The following AGPAT4 variants were observed in gnomAD, a reference collection of about 807,000 sequenced individuals.
AGPAT4 encodes 1-acyl-sn-glycerol-3-phosphate acyltransferase delta.
Under a neutral mutation model 48.0 loss-of-function variants are expected in AGPAT4, and 15 were observed. That is an observed-to-expected ratio of 0.31 (90% CI 0.21 to 0.48). The LOEUF (loss-of-function observed/expected upper bound fraction) is 0.48. Among genes scored for constraint, AGPAT4 ranks in the 20% least tolerant of loss-of-function variants. The pLI, the probability that AGPAT4 is intolerant of heterozygous loss-of-function variation, is 0.99. For missense variants in AGPAT4, 314 were observed against 482.5 expected (o/e 0.65, Z 3.27); for synonymous variants, 178 against 198.7 (o/e 0.90, Z 0.88).
chr6:161,248,571 C>CAAAAAAAA (rs35527158), intron 1 of AGPAT4, among the ~76,000 whole-genome samples: 1 of 63,724 alleles, frequency 1.6e-5, no homozygotes, highest in African/African-American at 7.2e-5. Context: ...GACTCTGTCT[C>CAAAAAAAA]AAAAAAAAAA....
rs1032124807 is a variant in AGPAT4, at chr6:161,225,234, C to T, written c.178+6802G>A. On this transcript the variant is annotated intron_variant, in intron 2 of 8. Transcript: ENST00000320285. This position sits in a 1 kb window ranked among gnomAD's most constrained non-coding sequence, Gnocchi z 5.0. ...CGTCCCCTGTCATAACCATTTTTCC[C>T]GCCAAACCACTCACCCCGTCACTCT... Among the ~76,000 whole-genome samples the T allele has an allele frequency of 5.9e-5, 9 of 152,162 alleles. No homozygotes were observed. In the South Asian group the frequency reaches 1.2e-3, roughly 21 times the overall value.
intron 1 of AGPAT4, among the ~76,000 whole-genome samples, chr6:161,248,584 A>C (rs1782727364): frequency 6.6e-6 from 1 of 150,546 alleles, no homozygotes; most frequent in Non-Finnish European, 1.5e-5. Context: ...AAAAAAAAAA[A>C]AAAAAAAAAA....
At position 161,262,818 on chromosome 6, in the gene AGPAT4, A is replaced by T. The variant is rs954450693; in HGVS notation, c.-90+11120T>A. On this transcript the variant is annotated intron_variant, in intron 1 of 8. Transcript: ENST00000320285. This position sits in a 1 kb window ranked among gnomAD's most constrained non-coding sequence, Gnocchi z 4.9. ...TCAAAAGATAACTCCAGTGAAAAAA[A>T]CCTCTAGGAGAACATGAGGATAACG... is the stretch of plus-strand genomic sequence containing the variant. Among the ~76,000 whole-genome samples the T allele has an allele frequency of 2.0e-5, 3 of 152,102 alleles. No individual in the cohort carries two copies. The highest frequency in any genetic ancestry group is 7.2e-5 in the African/African-American group (3 of 41,402).
At position 161,244,302 on chromosome 6, in the gene AGPAT4, C is replaced by T. The variant is rs374783743; in HGVS notation, c.-89-12000G>A. ...GGGGTGAGGATGGGGCTGACACCAA[C>T]GCAGACAGCACGTTCCTACATCACC... On this transcript the variant is annotated intron_variant, in intron 1 of 8. Transcript: ENST00000320285. This position sits in a 1 kb window ranked among gnomAD's most constrained non-coding sequence, Gnocchi z 4.7. Among the ~76,000 whole-genome samples, 21 of 152,286 alleles carry T rather than the reference C, an allele frequency of 1.4e-4. No individual in the cohort carries two copies. Among genetic ancestry groups the T allele is most frequent in the African/African-American group, 4.1e-4 (17 of 41,552 alleles).
Position 161,161,953 on chromosome 6 carries a change from C to A in AGPAT4, c.348+4295G>T. 1 of 167,412 alleles carries A rather than the reference C, an allele frequency of 6.0e-6. No homozygotes were observed. 10.4% of individuals were successfully genotyped at this position (167,412 alleles called of 1,614,324 possible). A position where few individuals can be genotyped will look rare whatever the true frequency, so the allele number is the denominator to read the frequency against. ...CTCTGTGCAAAGAAATGCAATGCTG[C>A]TATTTTTCATTTGTTTTATTTATTG... is the stretch of plus-strand genomic sequence containing the variant. On this transcript the variant is annotated intron_variant, in intron 3 of 8. Transcript: ENST00000320285. This position sits in a 1 kb window ranked among gnomAD's most constrained non-coding sequence, Gnocchi z 4.6.
rs1216378704 is a variant in AGPAT4, at chr6:161,189,992, T to C, written c.179-23575A>G. Among the ~76,000 whole-genome samples the C allele has an allele frequency of 6.6e-6, 1 of 152,198 alleles. No individual in the cohort carries two copies. Among genetic ancestry groups the C allele is most frequent in the Non-Finnish European group, 1.5e-5 (1 of 68,042 alleles). On this transcript the variant is annotated intron_variant, in intron 2 of 8. Transcript: ENST00000320285. The surrounding 1 kb of genome is among the most constrained non-coding windows in gnomAD (Gnocchi z 5.3). ...CTTTCTTAGAGATGCATAATAAATA[T>C]GCACCTTACGGTCAATGACTAGAGT...
At position 161,245,459 on chromosome 6, in the gene AGPAT4, A is replaced by G. The variant is rs1167484915; in HGVS notation, c.-89-13157T>C. Reference sequence around the variant, plus strand: ...ACCACAGTGCTTCTGATTCATGGAAACTAACGTGGCATTAAGCACCCTAGA... The same window carrying G: ...ACCACAGTGCTTCTGATTCATGGAAGCTAACGTGGCATTAAGCACCCTAGA... On this transcript the variant is annotated intron_variant, in intron 1 of 8. Transcript: ENST00000320285. This position sits in a 1 kb window ranked among gnomAD's most constrained non-coding sequence, Gnocchi z 5.2. Among the ~76,000 whole-genome samples, 3 of 152,140 alleles carry G rather than the reference A, an allele frequency of 2.0e-5. No homozygotes were observed. The highest frequency in any genetic ancestry group is 7.2e-5 in the African/African-American group (3 of 41,438).
In AGPAT4 at chr6:161,178,992, G is replaced by A. The variant is rs566255722; in HGVS notation, c.179-12575C>T. On this transcript the variant is annotated intron_variant, in intron 2 of 8. Transcript: ENST00000320285. This position sits in a 1 kb window ranked among gnomAD's most constrained non-coding sequence, Gnocchi z 5.1. ...TGCCCAGTTCCTCAGGGTGATGACC[G>A]GAGAGGGTGCAGAACGCAGTAGGTG... 5.3e-5 allele frequency among the ~76,000 whole-genome samples: 8 copies of A among 152,294 alleles called. No homozygotes were observed. Among genetic ancestry groups the A allele is most frequent in the East Asian group, 1.9e-4 (1 of 5,182 alleles).
At chr6:161,167,449 C>T (rs1438714919) in intron 2 of AGPAT4, among the ~76,000 whole-genome samples, 1 of 152,150 alleles carries the variant, frequency 6.6e-6, no homozygotes, top group Non-Finnish European at 1.5e-5. Context: ...TGGGTAGACT[C>T]CTGGGTTCAA....
chr6:161,151,348 G>C (rs1779588484), intron 5 of AGPAT4, among the ~76,000 whole-genome samples: 2 of 152,256 alleles, frequency 1.3e-5, no homozygotes, highest in South Asian at 4.1e-4. Flanking sequence ...CCCGAGACCG[G>C]TGTTGGCTGT....
chr6:161,166,358 G>A lies in AGPAT4; in HGVS notation c.238C>T (p.Arg80Cys), dbSNP rs201346790. The change falls in exon 3 of 9, where the codon CGC becomes TGC. Residue 80 changes from arginine to cysteine, a missense_variant. Arg to Cys is a radical substitution (Grantham distance 180, BLOSUM62 -3). Transcript: ENST00000320285. This position sits in a 1 kb window ranked among gnomAD's most constrained non-coding sequence, Gnocchi z 6.7. ...TCCTTCCCATACTTGAGGTAGGCGC[G>A]CGGGTCCGTGAAGATGGTGCATTCC... The part of the protein sequence containing the change: ...GTECTIFTDP[R>C]AYLKYGKENA... 2.8e-5 allele frequency: 46 copies of A among 1,614,086 alleles called. No homozygotes were observed. The highest frequency in any genetic ancestry group is 3.1e-5 in the Non-Finnish European group (36 of 1,180,010).
chr6:161,219,358 A>G lies in AGPAT4; in HGVS notation c.178+12678T>C, dbSNP rs1781739977. 6.6e-6 allele frequency among the ~76,000 whole-genome samples: 1 copy of G among 152,120 alleles called. No homozygotes were observed. The highest frequency in any genetic ancestry group is 1.5e-5 in the Non-Finnish European group (1 of 68,030). ...AAAATGTCCTATCCAGACATTTATG[A>G]TATGATAGAATATGATGGCATGATA... On this transcript the variant is annotated intron_variant, in intron 2 of 8. Coordinates refer to ENST00000320285, the MANE Select transcript of AGPAT4 (RefSeq NM_020133.3). This position sits in a 1 kb window ranked among gnomAD's most constrained non-coding sequence, Gnocchi z 4.9.
At chr6:161,209,481 T>C (rs756945444) in intron 2 of AGPAT4, among the ~76,000 whole-genome samples, 49 of 152,176 alleles carry the variant, frequency 3.2e-4, no homozygotes, top group Non-Finnish European at 6.2e-4. Flanking sequence ...GTTCCCTTTG[T>C]TGCTGATCCT....
At position 161,134,299 on chromosome 6, in the gene AGPAT4, A is replaced by G. The variant is rs1778992623; in HGVS notation, c.*2241T>C. 1 of 152,240 alleles carries G rather than the reference A, an allele frequency of 6.6e-6. No individual in the cohort carries two copies. Among genetic ancestry groups the G allele is most frequent in the Non-Finnish European group, 1.5e-5 (1 of 68,046 alleles). The allele number at this position is 152,240 out of a possible 1,614,324, so 9.4% of individuals were successfully genotyped here. On this transcript the variant is annotated 3_prime_UTR_variant, in exon 9 of 9. Transcript: ENST00000320285. ...GCTTGCTTGTGTGTTGTGTGATACC[A>G]GAGCCAATTCAGAAGAAAATTGAAT...
In AGPAT4 at chr6:161,266,366, T is replaced by C. The variant is rs1190529546; in HGVS notation, c.-90+7572A>G. The stretch of plus-strand genomic sequence containing the variant: ...TCTCTAGGCCACAACACATATTCAG[T>C]GCTGGGTACTCTGCTCTATGCTACA... On this transcript the variant is annotated intron_variant, in intron 1 of 8. Coordinates refer to ENST00000320285, the MANE Select transcript of AGPAT4 (RefSeq NM_020133.3). The surrounding 1 kb of genome is among the most constrained non-coding windows in gnomAD (Gnocchi z 6.2). Among the ~76,000 whole-genome samples, 1 of 152,170 alleles carries C rather than the reference T, an allele frequency of 6.6e-6. No individual in the cohort carries two copies. Among genetic ancestry groups the C allele is most frequent in the Non-Finnish European group, 1.5e-5 (1 of 68,034 alleles).
chr6:161,167,719 C>A (rs1049101345), intron 2 of AGPAT4, among the ~76,000 whole-genome samples: 1 of 152,194 alleles, frequency 6.6e-6, no homozygotes, highest in Non-Finnish European at 1.5e-5. Flanking sequence ...ATGTGGAGCA[C>A]CAGAGCCCTC....
intron 2 of AGPAT4, among the ~76,000 whole-genome samples, chr6:161,186,153 GCTGA>G (rs1320275061): frequency 1.3e-5 from 2 of 152,112 alleles, no homozygotes; most frequent in African/African-American, 2.4e-5. Flanking sequence ...TTCTTGGGAG[GCTGA>G]CTGACTATGG....
rs1781643847 is a variant in AGPAT4, at chr6:161,216,225, G to A, written c.178+15811C>T. ...GGGTTCTGAACCCACGTTGGGGTTG[G>A]GTGGGAATAACTCAATGGATGACTG... On this transcript the variant is annotated intron_variant, in intron 2 of 8. Transcript: ENST00000320285. The surrounding 1 kb of genome is among the most constrained non-coding windows in gnomAD (Gnocchi z 4.8). 2.6e-5 allele frequency among the ~76,000 whole-genome samples: 4 copies of A among 152,292 alleles called. No homozygotes were observed. The South Asian group carries it at 8.3e-4, about 32-fold the overall frequency.
chr6:161,243,552 T>A lies in AGPAT4; in HGVS notation c.-89-11250A>T, dbSNP rs1782561134. Reference sequence around the variant, plus strand: ...AATCTTGGGTCAGTAGCTTATGCTCTCTGAGCCTCCGGGTCTGTATCTGCT... The same window carrying A: ...AATCTTGGGTCAGTAGCTTATGCTCACTGAGCCTCCGGGTCTGTATCTGCT... On this transcript the variant is annotated intron_variant, in intron 1 of 8. Coordinates refer to ENST00000320285, the MANE Select transcript of AGPAT4 (RefSeq NM_020133.3). This position sits in a 1 kb window ranked among gnomAD's most constrained non-coding sequence, Gnocchi z 4.8. Among the ~76,000 whole-genome samples, 1 of 152,190 alleles carries A rather than the reference T, an allele frequency of 6.6e-6. No individual in the cohort carries two copies. The highest frequency in any genetic ancestry group is 1.5e-5 in the Non-Finnish European group (1 of 68,034).
Sources: allele counts gnomAD v4.1 joint callset (sites outside exome capture counted in the v4.1 genomes callset), GRCh38; gene constraint gnomAD v4.1.1; non-coding constraint Gnocchi (gnomAD v3.1); transcripts MANE v1.5; gene names NCBI Gene and HGNC (gene_info 2026-07-23, HGNC 2026-07-21).